Variants in TOX observed in about 807,000 individuals in gnomAD.
The protein encoded by TOX is thymocyte selection associated high mobility group box.
In TOX, 11 loss-of-function variants were observed where a neutral mutation model predicts 53.7. The ratio of observed to expected loss-of-function variants is 0.20; its 90% CI spans 0.13 to 0.34. TOX has a LOEUF of 0.34. TOX is among the 10% of genes least tolerant of loss of function. TOX has a pLI of 1.00. For synonymous variants in TOX, 225 were observed against 245.3 expected (o/e 0.92, Z 0.77); for missense variants, 570 against 664.6 (o/e 0.86, Z 1.56).
chr8:58,949,508 G>A (rs1052617928), intron 2 of TOX, among the ~76,000 whole-genome samples: 1 of 152,050 alleles, frequency 6.6e-6, no homozygotes, highest in Admixed American at 6.6e-5. Flanking sequence ...CTAAGAAATC[G>A]TCCCTGAACT....
chr8:58,879,060 C>CAA (rs36010111), intron 3 of TOX, among the ~76,000 whole-genome samples: 3,286 of 128,022 alleles, frequency 0.026, 131 homozygotes, highest in African/African-American at 0.084. Context: ...GACTTCATCT[C>CAA]AAAAAAAAAA....
At chr8:59,001,799 T>C (rs1446090728) in intron 1 of TOX, among the ~76,000 whole-genome samples, 1 of 151,966 alleles carries the variant, frequency 6.6e-6, no homozygotes, top group Non-Finnish European at 1.5e-5. Flanking sequence ...GCACTGTAAG[T>C]TGCAAAACAA....
At chr8:58,866,010 C>G (rs557139950) in intron 3 of TOX, among the ~76,000 whole-genome samples, 4 of 151,918 alleles carry the variant, frequency 2.6e-5, no homozygotes, top group African/African-American at 9.7e-5. Flanking sequence ...AATTTTTGTA[C>G]TTTTAGTAGA....
In TOX at chr8:58,826,850, G is replaced by T; in HGVS notation, c.977C>A (p.Ala326Glu). 1.2e-6 allele frequency: 2 copies of T among 1,612,014 alleles called. No individual in the cohort carries two copies. The highest frequency in any genetic ancestry group is 8.5e-7 in the Non-Finnish European group (1 of 1,179,118). The change falls in exon 6 of 9, where the codon GCA becomes GAA. Residue 326 changes from alanine to glutamate, a missense_variant. Ala to Glu is a moderately radical substitution (Grantham distance 107). Transcript: ENST00000361421. ...GGATACAAGGCTGGCTCTGTATGCTGCGAGTTGCTTCAGGTACTCCTTCTT... is the reference window on the plus strand; with the variant it reads ...GGATACAAGGCTGGCTCTGTATGCTTCGAGTTGCTTCAGGTACTCCTTCTT... ...AAKKEYLKQL[A>E]AYRASLVSKS...
chr8:58,832,402 T>C (rs536103493), intron 5 of TOX, among the ~76,000 whole-genome samples: 16 of 152,138 alleles, frequency 1.1e-4, no homozygotes, highest in Admixed American at 7.9e-4. Flanking sequence ...TTAATGTTTA[T>C]AAGAAAATGG....
At chr8:58,810,402 A>G (rs1563358893) in intron 7 of TOX, among the ~76,000 whole-genome samples, 2 of 152,066 alleles carry the variant, frequency 1.3e-5, no homozygotes, top group African/African-American at 4.8e-5. Flanking sequence ...GTGCAATGGC[A>G]CCATCTCGGC....
chr8:58,845,455 T>G (rs1400132732), intron 4 of TOX, among the ~76,000 whole-genome samples: 1 of 152,178 alleles, frequency 6.6e-6, no homozygotes, highest in East Asian at 1.9e-4. Context: ...AATCCCCTTA[T>G]GAGAATAAAT....
chr8:58,921,075 A>G (rs532138333), intron 3 of TOX, among the ~76,000 whole-genome samples: 7 of 131,678 alleles, frequency 5.3e-5, no homozygotes, highest in African/African-American at 7.9e-5. Context: ...GGAGTTAAGA[A>G]AGGAAACACA....
At chr8:59,043,513 T>C (rs149875424) in intron 1 of TOX, among the ~76,000 whole-genome samples, 78 of 152,298 alleles carry the variant, frequency 5.1e-4, no homozygotes, top group Non-Finnish European at 8.7e-4. Flanking sequence ...ATAAACTATA[T>C]AGCTAAACTA....
chr8:58,812,409 C>T (rs893929708), intron 7 of TOX, among the ~76,000 whole-genome samples: 3 of 152,180 alleles, frequency 2.0e-5, no homozygotes, highest in Admixed American at 1.3e-4. Context: ...AGGCCATGCT[C>T]ATCCCCAGAT....
chr8:58,820,388 A>C (rs1272899654), intron 6 of TOX, among the ~76,000 whole-genome samples: 2 of 152,220 alleles, frequency 1.3e-5, no homozygotes, highest in Non-Finnish European at 2.9e-5. Context: ...AAAATCATGA[A>C]TCTGATTGCC....
chr8:58,886,770 T>G (rs1346631670), intron 3 of TOX, among the ~76,000 whole-genome samples: 1 of 152,036 alleles, frequency 6.6e-6, no homozygotes, highest in Non-Finnish European at 1.5e-5. Flanking sequence ...AAGGACAGCT[T>G]TACTTTGTTT....
chr8:58,943,725 T>C (rs1465528006), intron 2 of TOX, among the ~76,000 whole-genome samples: 1 of 151,748 alleles, frequency 6.6e-6, no homozygotes, highest in Non-Finnish European at 1.5e-5. Flanking sequence ...AGGCCAGGTA[T>C]AGATTTTCAA....
In TOX at chr8:58,807,623, G is replaced by A; in HGVS notation, c.*124C>T. 1 of 1,010,956 alleles carries A rather than the reference G, an allele frequency of 9.9e-7. No individual in the cohort carries two copies. Among genetic ancestry groups the A allele is most frequent in the Non-Finnish European group, 1.5e-6 (1 of 677,750 alleles). The allele number at this position is 1,010,956 out of a possible 1,614,324, so 62.6% of individuals were successfully genotyped here. A position where few individuals can be genotyped will look rare whatever the true frequency, so the allele number is the denominator to read the frequency against. On this transcript the variant is annotated 3_prime_UTR_variant, in exon 9 of 9. Transcript: ENST00000361421. ...GAGTGGGTGACCCACAAGCTCAAAT[G>A]GTCCTAAGTGCTTAGCAACTTGTAT...
intron 3 of TOX, among the ~76,000 whole-genome samples, chr8:58,915,208 A>G (rs1811990498): frequency 6.6e-6 from 1 of 151,162 alleles, no homozygotes; most frequent in African/African-American, 2.4e-5. Flanking sequence ...CCACAGCTCA[A>G]GGAGGCCTGC....
intron 2 of TOX, among the ~76,000 whole-genome samples, chr8:58,947,316 C>A (rs1450799479): frequency 1.3e-5 from 2 of 152,016 alleles, no homozygotes; most frequent in Non-Finnish European, 2.9e-5. Context: ...AGAGATTAAG[C>A]AGAACAAAAG....
intron 2 of TOX, among the ~76,000 whole-genome samples, chr8:58,952,807 A>C (rs1318058015): frequency 6.6e-6 from 1 of 152,194 alleles, no homozygotes; most frequent in African/African-American, 2.4e-5. Flanking sequence ...CCCAGAAACA[A>C]ATAAAAAATG....
chr8:58,936,976 C>T (rs1481282788), intron 3 of TOX, among the ~76,000 whole-genome samples: 1 of 152,222 alleles, frequency 6.6e-6, no homozygotes, highest in African/African-American at 2.4e-5. Context: ...TGCTGTTGGA[C>T]AGCACAGATT....
intron 7 of TOX, among the ~76,000 whole-genome samples, chr8:58,811,542 G>C (rs142132986): frequency 6.6e-6 from 1 of 152,304 alleles, no homozygotes; most frequent in Admixed American, 6.5e-5. Flanking sequence ...TTTCCTGCCT[G>C]TCTGGAGAGG....
Sources: allele counts gnomAD v4.1 joint callset (sites outside exome capture counted in the v4.1 genomes callset), GRCh38; gene constraint gnomAD v4.1.1; transcripts MANE v1.5; gene names NCBI Gene and HGNC (gene_info 2026-07-23, HGNC 2026-07-21).